The following MCC variants were observed in gnomAD, a reference collection of about 807,000 sequenced individuals.
MCC encodes colorectal mutant cancer protein.
In MCC, 90 loss-of-function variants were observed where a neutral mutation model predicts 116.2. The observed-to-expected ratio is 0.77, with a 90% confidence interval of 0.65 to 0.92. The LOEUF is 0.92. Ranked by LOEUF, MCC falls within the 40% of genes least tolerant of loss-of-function variation. MCC has a pLI of 0.00. For missense variants in MCC, 1,516 were observed against 1,312.2 expected, an observed-to-expected ratio of 1.16 and a Z score of -2.40; for synonymous variants, 578 against 510.5, an observed-to-expected ratio of 1.13 and a Z score of -1.78.
intron 14 of MCC, 144 bp from the exon 15 acceptor site, chr5:113,054,103 T>C (rs777060730): frequency 1.3e-4 from 81 of 619,418 alleles, no homozygotes; most frequent in Admixed American, 4.2e-4. Flanking sequence ...CTTCACAGCA[T>C]AGGAAAATGA....
At chr5:113,355,505 G>C (rs1292305223) in intron 2 of MCC, among the ~76,000 whole-genome samples, 1 of 151,886 alleles carries the variant, frequency 6.6e-6, no homozygotes, top group Non-Finnish European at 1.5e-5. Flanking sequence ...AGTCTGCTTG[G>C]GCTGTCATAA....
chr5:113,289,641 G>C (rs558538649), intron 3 of MCC, among the ~76,000 whole-genome samples: 1 of 152,126 alleles, frequency 6.6e-6, no homozygotes, highest in Non-Finnish European at 1.5e-5. Flanking sequence ...ACATAGGGAT[G>C]CCCATGTTGA....
At chr5:113,222,674 A>C (rs1763594861) in intron 3 of MCC, among the ~76,000 whole-genome samples, 2 of 152,246 alleles carry the variant, frequency 1.3e-5, no homozygotes, top group African/African-American at 4.8e-5. Context: ...AACGAAGAGA[A>C]TATTCAAATC....
intron 1 of MCC, among the ~76,000 whole-genome samples, chr5:113,472,742 A>C (rs1396897777): frequency 6.6e-6 from 1 of 152,196 alleles, no homozygotes; most frequent in East Asian, 1.9e-4. Flanking sequence ...AAAATGCAAT[A>C]TTTTTTGTGA....
At chr5:113,333,826 T>C (rs528146533) in intron 3 of MCC, among the ~76,000 whole-genome samples, 56 of 70,878 alleles carry the variant, frequency 7.9e-4, no homozygotes, top group Non-Finnish European at 1.3e-3. Context: ...TGTACATATA[T>C]GTATATATGT....
chr5:113,427,797 T>C (rs376735183), intron 1 of MCC, among the ~76,000 whole-genome samples: 2 of 152,220 alleles, frequency 1.3e-5, no homozygotes, highest in African/African-American at 2.4e-5. Context: ...AATGAGTTCA[T>C]TAAACCTAAC....
chr5:113,289,407 G>C (rs1027374641), intron 3 of MCC, among the ~76,000 whole-genome samples: 2 of 151,936 alleles, frequency 1.3e-5, no homozygotes, highest in African/African-American at 4.8e-5. Context: ...GTGGCTTCTG[G>C]AGTGGGTTTA....
intron 3 of MCC, among the ~76,000 whole-genome samples, chr5:113,286,979 T>C (rs549940772): frequency 1.3e-5 from 2 of 152,312 alleles, no homozygotes; most frequent in African/African-American, 4.8e-5. Context: ...ACTCTATAAA[T>C]TGAACTTCTG....
intron 9 of MCC, 27 bp from the exon 10 acceptor site, chr5:113,084,217 G>C (rs1236132608): frequency 1.9e-6 from 3 of 1,553,482 alleles, no homozygotes; most frequent in East Asian, 4.5e-5. Flanking sequence ...AAACATTATA[G>C]AAAACTACAC....
At chr5:113,121,751 C>T (rs1757748544) in intron 6 of MCC, among the ~76,000 whole-genome samples, 1 of 152,180 alleles carries the variant, frequency 6.6e-6, no homozygotes, top group African/African-American at 2.4e-5. Flanking sequence ...AGAAAACTGA[C>T]TATATGCAAC....
rs1762386293 is a variant in MCC at position 113,195,981 on chromosome 5, TC to T, written c.628-44560del. On this transcript the variant is annotated intron_variant, in intron 3 of 18. Transcript: ENST00000408903. ...ATGTTTTCTCTTCCAACTACTGAAA[TC>T]CTACCATCCTTAAAGAGCTAGTGCC... Among the ~76,000 whole-genome samples, 3 of 152,298 alleles carry T rather than the reference TC, an allele frequency of 2.0e-5. 1 individual carries two copies. Among genetic ancestry groups the T allele is most frequent in the African/African-American group, 4.8e-5 (2 of 41,558 alleles).
chr5:113,328,238 C>T (rs1433066814), intron 3 of MCC, among the ~76,000 whole-genome samples: 1 of 152,160 alleles, frequency 6.6e-6, no homozygotes, highest in Non-Finnish European at 1.5e-5. Context: ...GCTGGCAAAG[C>T]GCTTCTACTG....
chr5:113,352,372 C>T (rs1768292076), intron 2 of MCC, among the ~76,000 whole-genome samples: 1 of 152,078 alleles, frequency 6.6e-6, no homozygotes, highest in African/African-American at 2.4e-5. Flanking sequence ...AAATTGGTTC[C>T]TGTGCTCCAG....
chr5:113,063,492 T>C (rs1561769548), intron 14 of MCC, among the ~76,000 whole-genome samples: 1 of 151,900 alleles, frequency 6.6e-6, no homozygotes, highest in Non-Finnish European at 1.5e-5. Flanking sequence ...GCAAAAGAGA[T>C]GAGAGGAGAG....
At chr5:113,153,167 G>A (rs74435044) in intron 3 of MCC, among the ~76,000 whole-genome samples, 6,747 of 152,266 alleles carry the variant, frequency 0.044, 191 homozygotes, top group East Asian at 0.086. Context: ...CACCTCCGGC[G>A]AAAAGGATAA....
chr5:113,446,091 T>A (rs1771211837), intron 1 of MCC, among the ~76,000 whole-genome samples: 1 of 152,170 alleles, frequency 6.6e-6, no homozygotes, highest in African/African-American at 2.4e-5. Context: ...TATATAAAAA[T>A]TAACTCAAGA....
At position 113,488,338 on chromosome 5, in the gene MCC, CTGCT is replaced by C; in HGVS notation, c.73_76del (p.Ser25AlafsTer36). ...GGTGCTGGACGTGTCGCTGCTGCTGCTGCTGCTGCCGCTGCCGCCGCCGCCGCCG... is the reference window on the plus strand; with the variant it reads ...GGTGCTGGACGTGTCGCTGCTGCTGCGCTGCCGCTGCCGCCGCCGCCGCCG... On this transcript the variant is annotated frameshift_variant, in exon 1 of 19. Transcript: ENST00000408903. LOFTEE classifies it high-confidence loss of function. 2.0e-6 allele frequency: 3 copies of C among 1,484,120 alleles called. No individual in the cohort carries two copies. The highest frequency in any genetic ancestry group is 1.7e-5 in the African/African-American group (1 of 59,256). The allele number at this position is 1,484,120 out of a possible 1,614,324, so 91.9% of individuals were successfully genotyped here.
At chr5:113,039,257 G>A (rs1298715065) in intron 17 of MCC, among the ~76,000 whole-genome samples, 1 of 152,112 alleles carries the variant, frequency 6.6e-6, no homozygotes, top group Non-Finnish European at 1.5e-5. Flanking sequence ...TCGCTATGTT[G>A]CCCAGGCTGG....
At chr5:113,064,973 G>C (rs1487633921) in intron 13 of MCC, among the ~76,000 whole-genome samples, 1 of 152,196 alleles carries the variant, frequency 6.6e-6, no homozygotes, top group African/African-American at 2.4e-5. Context: ...CTGGGTAACA[G>C]AGCAAGACCC....
Sources: gnomAD v4.1 joint callset for allele counts (sites outside exome capture counted in the v4.1 genomes callset) on GRCh38, gnomAD v4.1.1 for gene constraint, MANE v1.5 for transcripts, NCBI Gene and HGNC (gene_info 2026-07-23, HGNC 2026-07-21) for gene names.